Variants in GAB3 observed in about 807,000 individuals in gnomAD.
GAB3 encodes the protein GRB2 associated binding protein 3.
A neutral mutation model predicts 40.4 loss-of-function variants in GAB3; 12 were observed. The observed-to-expected ratio is 0.30, with a 90% CI of 0.19 to 0.48. The LOEUF is 0.48. Among genes scored for constraint, GAB3 ranks in the 20% least tolerant of loss-of-function variants. The pLI is 0.99. For missense variants in GAB3, 381 were observed against 461.9 expected (o/e 0.82, Z 1.61); for synonymous variants, 154 against 176.7 (o/e 0.87, Z 1.02).
In GAB3 at chrX:154,678,160, G is replaced by T; in HGVS notation, c.*18C>A. 2.2e-6 allele frequency: 2 copies of T among 903,790 alleles called. No homozygotes were observed. The highest frequency in any genetic ancestry group is 3.1e-6 in the Non-Finnish European group (2 of 638,345). 74.5% of individuals were successfully genotyped at this position (903,790 alleles called of 1,213,427 possible). A position where few individuals can be genotyped will look rare whatever the true frequency, so the allele number is the denominator to read the frequency against. ...CCCCAAGCTTCCCTGTTTCACACATGGCACAAGCCCGCACCTCTCATACTT... is the reference window on the plus strand; with the variant it reads ...CCCCAAGCTTCCCTGTTTCACACATTGCACAAGCCCGCACCTCTCATACTT... On this transcript the variant is annotated 3_prime_UTR_variant, in exon 10 of 10. Coordinates refer to ENST00000424127, the MANE Select transcript of GAB3 (RefSeq NM_001081573.3).
At chrX:154,749,252 T>G (rs1482756876) in intron 1 of GAB3, among the ~76,000 whole-genome samples, 1 of 112,523 alleles carries the variant, frequency 8.9e-6, no homozygotes, top group Non-Finnish European at 1.9e-5. Context: ...GAAATACTAA[T>G]AAACTTCCCT....
chrX:154,685,802 G>A (rs782620264), intron 8 of GAB3, among the ~76,000 whole-genome samples: 3 of 111,726 alleles, frequency 2.7e-5, no homozygotes, highest in African/African-American at 6.5e-5. Flanking sequence ...TGGCACTGCC[G>A]AATTGTCAGT....
At chrX:154,679,770 C>T (rs1484643498) in intron 9 of GAB3, among the ~76,000 whole-genome samples, 1 of 111,737 alleles carries the variant, frequency 8.9e-6, no homozygotes, top group Non-Finnish European at 1.9e-5. Flanking sequence ...ACTGCTCCCT[C>T]AAGTCTAACC....
intron 8 of GAB3, among the ~76,000 whole-genome samples, chrX:154,685,049 CTT>C (rs1242953013): frequency 8.9e-6 from 1 of 111,781 alleles, no homozygotes; most frequent in Non-Finnish European, 1.9e-5. Context: ...CTAAATCACT[CTT>C]TGTGCTTAGT....
intron 1 of GAB3, among the ~76,000 whole-genome samples, chrX:154,730,519 C>T (rs1228824157): frequency 1.8e-5 from 2 of 112,259 alleles, no homozygotes; most frequent in Non-Finnish European, 3.8e-5. Flanking sequence ...AGACCTGCTC[C>T]TCTAAGCTGA....
intron 4 of GAB3, among the ~76,000 whole-genome samples, chrX:154,708,044 GAATAGAGAGGCCAGA>G (rs2070840480): frequency 8.9e-6 from 1 of 111,750 alleles, no homozygotes; most frequent in South Asian, 3.7e-4. Flanking sequence ...CAAAAGAACA[GAATAGAGAGGCCAGA>G]AATACACCCA....
intron 1 of GAB3, among the ~76,000 whole-genome samples, chrX:154,745,150 G>T (rs1557261855): frequency 9.0e-6 from 1 of 110,665 alleles, no homozygotes. Flanking sequence ...TGGCCAATAT[G>T]GTGAAACCGC....
At chrX:154,708,840 A>T (rs2070860289) in intron 4 of GAB3, among the ~76,000 whole-genome samples, 1 of 112,280 alleles carries the variant, frequency 8.9e-6, no homozygotes, top group Admixed American at 9.4e-5. Context: ...CTTATGATCC[A>T]GCAATCTCTC....
chrX:154,711,137 G>C (rs1429818450), intron 4 of GAB3, among the ~76,000 whole-genome samples: 2 of 111,973 alleles, frequency 1.8e-5, no homozygotes, highest in Non-Finnish European at 3.8e-5. Flanking sequence ...CGTACAATTT[G>C]AAAATAAATT....
intron 8 of GAB3, among the ~76,000 whole-genome samples, chrX:154,684,360 C>G (rs1003412069): frequency 9.0e-6 from 1 of 111,296 alleles, no homozygotes; most frequent in Middle Eastern, 4.3e-3. Context: ...GATTCAGTGT[C>G]TTTAATAGGT....
chrX:154,676,162 C>CT lies in GAB3; in HGVS notation c.*2015dup, dbSNP rs1557245461. On this transcript the variant is annotated 3_prime_UTR_variant, in exon 10 of 10. Coordinates refer to ENST00000424127, the MANE Select transcript of GAB3 (RefSeq NM_001081573.3). ...TGTTTGGTAGAAACAGATTTCTTTTCTTTTTTCGGTGGGTCAATGGAGTGA... is the reference window on the plus strand; with the variant it reads ...TGTTTGGTAGAAACAGATTTCTTTTCTTTTTTTCGGTGGGTCAATGGAGTGA... The CT allele has an allele frequency of 3.6e-5, 4 of 111,029 alleles. No homozygotes were observed. The highest frequency in any genetic ancestry group is 9.8e-5 in the African/African-American group (3 of 30,542). 9.2% of individuals were successfully genotyped at this position (111,029 alleles called of 1,213,427 possible).
At chrX:154,680,538 T>A (rs1175128678) in intron 8 of GAB3, among the ~76,000 whole-genome samples, 1 of 112,451 alleles carries the variant, frequency 8.9e-6, no homozygotes, top group Non-Finnish European at 1.9e-5. Context: ...CCTGTGATAC[T>A]TCAGAGATTA....
intron 1 of GAB3, 45 bp from the exon 2 acceptor site, chrX:154,716,374 T>G: frequency 7.2e-6 from 8 of 1,111,401 alleles, no homozygotes; most frequent in Non-Finnish European, 8.5e-6. Flanking sequence ...CCAATTTCTC[T>G]TGTTTCTCAG....
chrX:154,705,037 C>G (rs892847296), intron 4 of GAB3, among the ~76,000 whole-genome samples: 8 of 111,186 alleles, frequency 7.2e-5, no homozygotes, highest in African/African-American at 2.6e-4. Flanking sequence ...ACCAATGCTT[C>G]TCAAACTATC....
At chrX:154,720,501 C>T (rs2071112503) in intron 1 of GAB3, among the ~76,000 whole-genome samples, 1 of 109,955 alleles carries the variant, frequency 9.1e-6, no homozygotes, top group African/African-American at 3.3e-5. Flanking sequence ...TAGTGGGCGC[C>T]TGTAGTCCCA....
At chrX:154,738,252 A>G (rs187395511) in intron 1 of GAB3, among the ~76,000 whole-genome samples, 3 of 112,288 alleles carry the variant, frequency 2.7e-5, no homozygotes, top group East Asian at 5.6e-4. Flanking sequence ...TGTCCAGATG[A>G]GCAATGATGG....
chrX:154,741,824 A>G (rs1448360209), intron 1 of GAB3, among the ~76,000 whole-genome samples: 6 of 111,611 alleles, frequency 5.4e-5, no homozygotes, highest in African/African-American at 2.0e-4. Flanking sequence ...GGATGAAGTG[A>G]GTGCAAGCAG....
At chrX:154,719,388 C>T (rs181022876) in intron 1 of GAB3, among the ~76,000 whole-genome samples, 37 of 112,051 alleles carry the variant, frequency 3.3e-4, no homozygotes, top group East Asian at 1.7e-3. Context: ...GCTATGGGAA[C>T]AAACAAAAGA....
In GAB3 at chrX:154,676,755, C is replaced by T. The variant is rs1367560064; in HGVS notation, c.*1423G>A. The T allele has an allele frequency of 8.9e-6, 1 of 111,853 alleles. No homozygotes were observed. The highest frequency in any genetic ancestry group is 1.9e-5 in the Non-Finnish European group (1 of 53,130). 9.2% of individuals were successfully genotyped at this position (111,853 alleles called of 1,213,427 possible). A position where few individuals can be genotyped will look rare whatever the true frequency, so the allele number is the denominator to read the frequency against. ...CACTGACTATCATGGGCCTGACTGC[C>T]AATTTGATCTATCCTCATAAAGAAG... On this transcript the variant is annotated 3_prime_UTR_variant, in exon 10 of 10. Coordinates refer to ENST00000424127, the MANE Select transcript of GAB3 (RefSeq NM_001081573.3).
Sources: allele counts gnomAD v4.1 joint callset (sites outside exome capture counted in the v4.1 genomes callset), GRCh38; gene constraint gnomAD v4.1.1; transcripts MANE v1.5; gene names NCBI Gene and HGNC (gene_info 2026-07-23, HGNC 2026-07-21).